Variants in APLF observed in about 807,000 individuals in gnomAD.
The protein encoded by APLF is aprataxin and PNK-like factor.
A neutral mutation model predicts 55.6 loss-of-function variants in APLF; 61 were observed. That is an observed-to-expected ratio of 1.10 (90% CI 0.89 to 1.36). The LOEUF is 1.36. Ranked by LOEUF, APLF falls within the 40% of genes most tolerant of loss-of-function variation. APLF has a pLI of 0.00. For synonymous variants in APLF, 207 were observed against 214.8 expected (o/e 0.96, Z 0.32); for missense variants, 611 against 602.5 (o/e 1.01, Z -0.15).
chr2:68,506,955 TAATG>T (rs1343738609), intron 3 of APLF, among the ~76,000 whole-genome samples: 1 of 151,834 alleles, frequency 6.6e-6, no homozygotes, highest in African/African-American at 2.4e-5. Flanking sequence ...TATATACAAA[TAATG>T]AAAGTATAAA....
intron 7 of APLF, among the ~76,000 whole-genome samples, chr2:68,540,132 G>A (rs1373785792): frequency 6.6e-6 from 1 of 151,968 alleles, no homozygotes; most frequent in Non-Finnish European, 1.5e-5. Flanking sequence ...ACATGCATTA[G>A]GTATTTCTCC....
chr2:68,468,752 A>T (rs955772904), intron 1 of APLF, among the ~76,000 whole-genome samples: 1 of 152,188 alleles, frequency 6.6e-6, no homozygotes, highest in Non-Finnish European at 1.5e-5. Flanking sequence ...AGATTCTAGC[A>T]CTGTGGGGCA....
At chr2:68,513,374 G>T in intron 4 of APLF, 147 bp downstream of exon 4, 1 of 1,246,428 alleles carries the variant, frequency 8.0e-7, no homozygotes, top group South Asian at 1.5e-5. Flanking sequence ...TAGAGAATAT[G>T]GCAGTAATCC....
intron 6 of APLF, among the ~76,000 whole-genome samples, chr2:68,530,665 G>T (rs1558544382): frequency 6.6e-6 from 1 of 152,278 alleles, no homozygotes; most frequent in Non-Finnish European, 1.5e-5. Context: ...AACATAATTT[G>T]GTTGTTGTGA....
intron 9 of APLF, chr2:68,568,203 A>C (rs1671358602): frequency 1.1e-6 from 1 of 882,298 alleles, no homozygotes; most frequent in African/African-American, 1.8e-5. Flanking sequence ...CTTTAATAAA[A>C]TCTGGCTTTT....
At chr2:68,491,923 A>G (rs540797161) in intron 2 of APLF, among the ~76,000 whole-genome samples, 118 of 152,352 alleles carry the variant, frequency 7.7e-4, no homozygotes, top group Non-Finnish European at 1.5e-3. Context: ...TGTTTACTCA[A>G]TGATAAGAAG....
At chr2:68,554,695 G>C (rs1174973191) in intron 8 of APLF, among the ~76,000 whole-genome samples, 1 of 150,950 alleles carries the variant, frequency 6.6e-6, no homozygotes, top group Non-Finnish European at 1.5e-5. Context: ...TTGATTCTCA[G>C]CTTGATTGCT....
intron 5 of APLF, among the ~76,000 whole-genome samples, chr2:68,514,961 C>T (rs1669537158): frequency 6.6e-6 from 1 of 151,768 alleles, no homozygotes; most frequent in South Asian, 2.1e-4. Flanking sequence ...TTACCTTGAA[C>T]ATTGTTTTTT....
At chr2:68,482,847 G>A (rs557950803) in intron 1 of APLF, among the ~76,000 whole-genome samples, 1 of 152,234 alleles carries the variant, frequency 6.6e-6, no homozygotes, top group Admixed American at 6.5e-5. Context: ...TCTGGCTGGG[G>A]TGTGAGCTCA....
Position 68,502,819 on chromosome 2 carries a change from G to C in APLF, c.257G>C (p.Gly86Ala). The C allele has an allele frequency of 6.2e-7, 1 of 1,607,972 alleles. No homozygotes were observed. The highest frequency in any genetic ancestry group is 2.3e-5 in the East Asian group (1 of 44,378). The part of the protein sequence containing the change: ...KPNLWCYLNP[G>A]DSFSLLVDKY... ...AATCTATGGTGCTATTTGAATCCTG[G>C]AGACAGCTTTTCTTTGTTAGTTGAC... is the stretch of plus-strand genomic sequence containing the variant. The change falls in exon 3 of 10, where the codon GGA becomes GCA. Residue 86 changes from glycine (G) to alanine (A), a missense_variant. Coordinates refer to ENST00000303795, the MANE Select transcript of APLF (RefSeq NM_173545.3).
chr2:68,549,532 C>G (rs754432547), intron 8 of APLF, among the ~76,000 whole-genome samples: 1 of 151,934 alleles, frequency 6.6e-6, no homozygotes, highest in Non-Finnish European at 1.5e-5. Context: ...GAAATTAAAT[C>G]TTTGGAAATT....
At chr2:68,530,882 A>G (rs1376261166) in intron 6 of APLF, among the ~76,000 whole-genome samples, 2 of 152,208 alleles carry the variant, frequency 1.3e-5, no homozygotes, top group Non-Finnish European at 2.9e-5. Flanking sequence ...GAAGTTAAAA[A>G]AAAATTTTCA....
intron 8 of APLF, among the ~76,000 whole-genome samples, chr2:68,559,956 G>A (rs565592978): frequency 1.3e-5 from 2 of 152,164 alleles, no homozygotes; most frequent in East Asian, 1.9e-4. Context: ...ACCCCTTGAA[G>A]TGTATCAATC....
intron 5 of APLF, among the ~76,000 whole-genome samples, chr2:68,515,193 A>C (rs1489483357): frequency 6.6e-6 from 1 of 151,688 alleles, no homozygotes; most frequent in East Asian, 1.9e-4. Context: ...ATGTGGTTTA[A>C]TCTGGAGAAT....
chr2:68,483,131 A>G (rs1676017343), intron 1 of APLF, among the ~76,000 whole-genome samples: 1 of 152,228 alleles, frequency 6.6e-6, no homozygotes, highest in East Asian at 1.9e-4. Flanking sequence ...GCCCTCCAGC[A>G]GTGGCTCTGG....
intron 5 of APLF, among the ~76,000 whole-genome samples, chr2:68,522,365 C>T (rs13385342): frequency 0.083 from 12,655 of 151,730 alleles, 586 homozygotes; most frequent in Middle Eastern, 0.11. Flanking sequence ...ATATACTATG[C>T]TTGTGTTCCT....
chr2:68,560,261 T>C (rs1272236752), intron 8 of APLF, among the ~76,000 whole-genome samples: 1 of 152,170 alleles, frequency 6.6e-6, no homozygotes, highest in Non-Finnish European at 1.5e-5. Context: ...AACTCTCTGC[T>C]TGTTTACTAC....
intron 1 of APLF, among the ~76,000 whole-genome samples, chr2:68,469,166 C>T (rs1317933719): frequency 6.6e-6 from 1 of 151,894 alleles, no homozygotes; most frequent in Non-Finnish European, 1.5e-5. Context: ...CGTTTGTTGG[C>T]CTATACAAAC....
Position 68,580,092 on chromosome 2 carries a change from C to T in APLF, c.*2070C>T, listed in dbSNP as rs35646600. 67,431 of 938,306 alleles carry T rather than the reference C, an allele frequency of 0.072. 2,685 individuals are homozygous for T. The highest frequency in any genetic ancestry group is 0.097 in the Middle Eastern group (178 of 1,832). The allele number at this position is 938,306 out of a possible 1,614,324, so 58.1% of individuals were successfully genotyped here. The stretch of plus-strand genomic sequence containing the variant: ...TGCTTTTAACGATACAGTTTTAATG[C>T]AACTTTCATAATCATCCTGAAGACA... On this transcript the variant is annotated 3_prime_UTR_variant, in exon 10 of 10. Transcript: ENST00000303795.
Sources: gnomAD v4.1 joint callset for allele counts (sites outside exome capture counted in the v4.1 genomes callset) on GRCh38, gnomAD v4.1.1 for gene constraint, MANE v1.5 for transcripts, NCBI Gene and HGNC (gene_info 2026-07-23, HGNC 2026-07-21) for gene names.